The following EZH2 variants were observed in gnomAD, a reference collection of about 807,000 sequenced individuals.
EZH2 encodes the protein histone-lysine N-methyltransferase EZH2.
Under a neutral mutation model 98.4 loss-of-function variants are expected in EZH2, and 18 were observed. The observed-to-expected ratio is 0.18, with a 90% CI of 0.13 to 0.27. EZH2 has a LOEUF of 0.27. EZH2 is among the 10% of genes least tolerant of loss of function. The probability of loss-of-function intolerance (pLI) is 1.00; values close to 1 mark genes in which losing one functional copy is unlikely to be tolerated. For synonymous variants in EZH2, 338 were observed against 312.3 expected, an observed-to-expected ratio of 1.08 and a Z score of -0.87; for missense variants, 470 against 935.1, an observed-to-expected ratio of 0.50 and a Z score of 6.49.
At chr7:148,813,343 AAG>A (rs1584903523) in intron 15 of EZH2, among the ~76,000 whole-genome samples, 1 of 152,034 alleles carries the variant, frequency 6.6e-6, no homozygotes, top group African/African-American at 2.4e-5. Context: ...AAAAAAAAAA[AAG>A]ATACGAAATT....
intron 1 of EZH2, among the ~76,000 whole-genome samples, chr7:148,863,873 T>C (rs1433931970): frequency 2.0e-5 from 3 of 152,194 alleles, no homozygotes; most frequent in South Asian, 2.1e-4. Context: ...GAGAGATCTA[T>C]CGAAATGTGG....
intron 1 of EZH2, among the ~76,000 whole-genome samples, chr7:148,870,928 C>T (rs1049052779): frequency 7.7e-5 from 9 of 116,906 alleles, no homozygotes; most frequent in African/African-American, 2.9e-4. Context: ...GACCTTGTCT[C>T]AAAGAAAAAA....
chr7:148,817,613 A>T (rs1048732036), intron 10 of EZH2: 4 of 662,974 alleles, frequency 6.0e-6, no homozygotes, highest in African/African-American at 1.8e-5. Flanking sequence ...CTACCTGAGA[A>T]AGATCGAAAA....
intron 1 of EZH2, among the ~76,000 whole-genome samples, chr7:148,858,826 T>C (rs1817241653): frequency 6.6e-6 from 1 of 152,220 alleles, no homozygotes; most frequent in Non-Finnish European, 1.5e-5. Flanking sequence ...GCAGCCTATA[T>C]GATGACATGT....
intron 1 of EZH2, among the ~76,000 whole-genome samples, chr7:148,853,913 C>G (rs1334609171): frequency 1.3e-5 from 2 of 152,174 alleles, no homozygotes; most frequent in Non-Finnish European, 2.9e-5. Flanking sequence ...TTCCTCCATC[C>G]TCTCAGGTTT....
At chr7:148,873,869 A>T (rs376523440) in intron 1 of EZH2, among the ~76,000 whole-genome samples, 1 of 119,080 alleles carries the variant, frequency 8.4e-6, no homozygotes, top group African/African-American at 3.3e-5. Context: ...GAGAAAAAAA[A>T]AAAGATTAAT....
intron 9 of EZH2, among the ~76,000 whole-genome samples, chr7:148,818,357 C>G (rs952914290): frequency 6.6e-6 from 1 of 152,046 alleles, no homozygotes; most frequent in Admixed American, 6.5e-5. Flanking sequence ...TCAGGCAAGA[C>G]AGTTCTATAT....
chr7:148,826,344 T>G (rs773919805), intron 8 of EZH2, 110 bp downstream of exon 8: 1 of 834,762 alleles, frequency 1.2e-6, no homozygotes, highest in South Asian at 5.2e-5. Context: ...AAGATATTTG[T>G]CAAAGTAACT....
intron 1 of EZH2, among the ~76,000 whole-genome samples, chr7:148,856,404 C>T (rs190140307): frequency 1.5e-4 from 23 of 152,226 alleles, no homozygotes; most frequent in Middle Eastern, 3.4e-3. Context: ...AAAATATATG[C>T]GGATAGATAC....
chr7:148,872,971 T>C (rs1218441041), intron 1 of EZH2, among the ~76,000 whole-genome samples: 2 of 152,024 alleles, frequency 1.3e-5, no homozygotes, highest in Non-Finnish European at 2.9e-5. Context: ...GAGGACAAGG[T>C]GGCAGGCCAC....
intron 1 of EZH2, among the ~76,000 whole-genome samples, chr7:148,866,412 A>G (rs953795107): frequency 4.6e-5 from 7 of 151,596 alleles, no homozygotes; most frequent in African/African-American, 1.5e-4. Context: ...ATCTTCTGCT[A>G]TAAGAGGACA....
chr7:148,842,061 G>A (rs1249673766), intron 3 of EZH2, among the ~76,000 whole-genome samples: 1 of 152,118 alleles, frequency 6.6e-6, no homozygotes, highest in South Asian at 2.1e-4. Context: ...ACATTCTGAA[G>A]CCCCAAGAAT....
chr7:148,817,197 A>G (rs756219976), intron 11 of EZH2, 25 bp downstream of exon 11: 1 of 1,598,290 alleles, frequency 6.3e-7, no homozygotes, highest in Non-Finnish European at 8.5e-7. Context: ...AGCTCTTTTA[A>G]CAACATTTTT....
chr7:148,863,568 C>A (rs1440483593), intron 1 of EZH2, among the ~76,000 whole-genome samples: 1 of 152,142 alleles, frequency 6.6e-6, no homozygotes, highest in Non-Finnish European at 1.5e-5. Flanking sequence ...ATCCTACCAA[C>A]CATCTCCCTA....
intron 1 of EZH2, among the ~76,000 whole-genome samples, chr7:148,881,402 T>C (rs1820932809): frequency 6.6e-6 from 1 of 152,196 alleles, no homozygotes; most frequent in Non-Finnish European, 1.5e-5. Context: ...TTAAATGTAT[T>C]TGTGCAAGGC....
intron 1 of EZH2, among the ~76,000 whole-genome samples, chr7:148,849,412 A>G (rs1815092465): frequency 6.6e-6 from 1 of 152,236 alleles, no homozygotes; most frequent in South Asian, 2.1e-4. Flanking sequence ...GACCTGGAGA[A>G]TGAAAGTCAC....
At chr7:148,851,991 G>C (rs1231097768) in intron 1 of EZH2, among the ~76,000 whole-genome samples, 1 of 152,156 alleles carries the variant, frequency 6.6e-6, no homozygotes, top group Non-Finnish European at 1.5e-5. Flanking sequence ...ATTTTTCAAA[G>C]ATTTGTTTAG....
intron 3 of EZH2, among the ~76,000 whole-genome samples, chr7:148,836,208 T>C (rs1345013925): frequency 6.6e-6 from 1 of 152,220 alleles, no homozygotes; most frequent in Non-Finnish European, 1.5e-5. Context: ...CTACACTTGA[T>C]GATTTTCTCT....
chr7:148,812,708 G>C (rs1803431510), intron 15 of EZH2, among the ~76,000 whole-genome samples: 1 of 152,136 alleles, frequency 6.6e-6, no homozygotes, highest in Admixed American at 6.5e-5. Flanking sequence ...TTGTTTGGGG[G>C]GGAAATTGAG....
Sources: allele counts gnomAD v4.1 joint callset (sites outside exome capture counted in the v4.1 genomes callset), GRCh38; gene constraint gnomAD v4.1.1; transcripts MANE v1.5; gene names NCBI Gene and HGNC (gene_info 2026-07-23, HGNC 2026-07-21).